The following UHRF1 variants were observed in gnomAD, a reference collection of about 807,000 sequenced individuals.
The protein encoded by UHRF1 is ubiquitin like with PHD and ring finger domains 1.
In UHRF1, 9 loss-of-function variants were observed where a neutral mutation model predicts 96.5. That is an observed-to-expected ratio of 0.09 (90% CI 0.06 to 0.16). The LOEUF (loss-of-function observed/expected upper bound fraction) is 0.16, where lower values mean the gene tolerates loss of function less well. UHRF1 is among the 10% of genes least tolerant of loss of function. UHRF1 has a pLI of 1.00. For missense variants in UHRF1, 626 were observed against 1,131.1 expected (o/e 0.55, Z 6.40); for synonymous variants, 455 against 469.9 (o/e 0.97, Z 0.41).
chr19:4,938,992 C>T (rs1195383102), intron 5 of UHRF1, among the ~76,000 whole-genome samples: 1 of 151,704 alleles, frequency 6.6e-6, no homozygotes, highest in Non-Finnish European at 1.5e-5. Context: ...TGGTTCCCTG[C>T]AACCTCCACC....
In UHRF1 at chr19:4,910,922, A is replaced by G. The variant is rs1223050429; in HGVS notation, c.37A>G (p.Thr13Ala). The G allele has an allele frequency of 6.2e-7, 1 of 1,613,478 alleles. No homozygotes were observed. Among genetic ancestry groups the G allele is most frequent in the Non-Finnish European group, 8.5e-7 (1 of 1,179,586 alleles). Residue 13 changes from threonine (T) to alanine (A), a missense_variant, in exon 2 of 17, where the codon ACC (threonine) becomes GCC (alanine). Physicochemically the swap from Thr to Ala is moderately conservative, Grantham distance 58. Coordinates refer to ENST00000650932, the MANE Select transcript of UHRF1 (RefSeq NM_001048201.3). ...GGTTCGGACCATGGACGGGAGGCAG[A>G]CCCACACGGTGGACTCGCTGTCCAG... ...IQVRTMDGRQ[T>A]HTVDSLSRLT... is the part of the protein sequence containing the mutation.
intron 13 of UHRF1, among the ~76,000 whole-genome samples, chr19:4,951,425 C>A (rs2033714562): frequency 6.6e-6 from 1 of 152,074 alleles, no homozygotes; most frequent in Non-Finnish European, 1.5e-5. Context: ...GCTGAACACT[C>A]CAGGAGGCCT....
intron 2 of UHRF1, among the ~76,000 whole-genome samples, chr19:4,921,475 C>T (rs2032702003): frequency 1.3e-5 from 2 of 151,746 alleles, no homozygotes; most frequent in South Asian, 4.2e-4. Context: ...GGTCAGGATG[C>T]TGGGCACAGT....
chr19:4,928,733 G>A (rs1416268028), intron 2 of UHRF1, among the ~76,000 whole-genome samples: 3 of 152,128 alleles, frequency 2.0e-5, no homozygotes, highest in South Asian at 2.1e-4. Context: ...GCAGGGTGCC[G>A]AGCAGCGTTC....
intron 11 of UHRF1, 130 bp downstream of exon 11, chr19:4,947,341 T>C: frequency 3.6e-6 from 3 of 827,196 alleles, no homozygotes; most frequent in Non-Finnish European, 1.9e-6. Context: ...AGCCTGGCAT[T>C]TGGTTCCTCC....
At position 4,909,591 on chromosome 19, in the gene UHRF1, T is replaced by C. The variant is rs1568403376; in HGVS notation, c.-75T>C. 1.5e-6 allele frequency: 1 copy of C among 649,152 alleles called. No homozygotes were observed. The highest frequency in any genetic ancestry group is 3.3e-5 in the East Asian group (1 of 30,446). 40.2% of individuals were successfully genotyped at this position (649,152 alleles called of 1,614,324 possible). A position where few individuals can be genotyped will look rare whatever the true frequency, so the allele number is the denominator to read the frequency against. ...CGCGGGGTCCGGGCCACGCACGCGG[T>C]TTCATCGCCATCCCCAGCCGGGCCA... On this transcript the variant is annotated 5_prime_UTR_variant, in exon 1 of 17. Coordinates refer to ENST00000650932, the MANE Select transcript of UHRF1 (RefSeq NM_001048201.3).
At chr19:4,951,444 G>A (rs568052965) in intron 13 of UHRF1, among the ~76,000 whole-genome samples, 21 of 152,014 alleles carry the variant, frequency 1.4e-4, no homozygotes, top group Non-Finnish European at 2.5e-4. Flanking sequence ...CTCCCGTCTC[G>A]GGCCCATGCT....
chr19:4,949,066 C>T (rs1410590600), intron 11 of UHRF1, among the ~76,000 whole-genome samples: 2 of 148,060 alleles, frequency 1.4e-5, no homozygotes, highest in Admixed American at 6.8e-5. Context: ...ACCTGGGAGG[C>T]GGAGCTTGCA....
chr19:4,925,392 C>T (rs1442986164), intron 2 of UHRF1, among the ~76,000 whole-genome samples: 1 of 152,198 alleles, frequency 6.6e-6, no homozygotes, highest in South Asian at 2.1e-4. Flanking sequence ...GGATCATGCA[C>T]TGCGTGGCCT....
At chr19:4,940,252 G>A (rs16992691) in intron 5 of UHRF1, among the ~76,000 whole-genome samples, 2,610 of 151,310 alleles carry the variant, frequency 0.017, 81 homozygotes, top group African/African-American at 0.06. Context: ...TGTTTCCCTC[G>A]GACGTTGCTG....
Position 4,913,566 on chromosome 19 carries a change from G to A in UHRF1, c.153+2528G>A, listed in dbSNP as rs550326903. On this transcript the variant is annotated intron_variant, in intron 2 of 16. Coordinates refer to ENST00000650932, the MANE Select transcript of UHRF1 (RefSeq NM_001048201.3). ...CACTGCACCCAGCCACGTACATTGT[G>A]CTTTTAATTGTCAGGATGTCCGCAG... Among the ~76,000 whole-genome samples the A allele has an allele frequency of 1.4e-4, 22 of 152,104 alleles. No homozygotes were observed. In the South Asian group the frequency reaches 4.6e-3, roughly 32 times the overall value.
intron 1 of UHRF1, 127 bp from the exon 2 acceptor site, chr19:4,910,749 G>T: frequency 8.3e-7 from 1 of 1,198,080 alleles, no homozygotes; most frequent in East Asian, 2.5e-5. Context: ...CAGGAGGACT[G>T]GAAGGGCATC....
rs376092833 is a variant in UHRF1 at position 4,938,473 on chromosome 19, G to C, written c.786-3055G>C. 1.7e-4 allele frequency among the ~76,000 whole-genome samples: 25 copies of C among 150,360 alleles called. 1 individual carries two copies. The highest frequency in any genetic ancestry group is 5.8e-4 in the African/African-American group (23 of 39,932). ...ACCAATTTTATTTTTGAGGATCTTA[G>C]ACCTTTCCCTCCCTTCTCATTTATT... On this transcript the variant is annotated intron_variant, in intron 5 of 16. Transcript: ENST00000650932.
chr19:4,950,569 C>T (rs779306704), intron 11 of UHRF1, 42 bp from the exon 12 acceptor site: 2 of 1,583,836 alleles, frequency 1.3e-6, no homozygotes, highest in Non-Finnish European at 1.7e-6. Context: ...TTGGGGGGTA[C>T]ATCCTCACCT....
chr19:4,948,657 C>G (rs534701170), intron 11 of UHRF1, among the ~76,000 whole-genome samples: 28 of 151,968 alleles, frequency 1.8e-4, no homozygotes, highest in Admixed American at 5.9e-4. Context: ...CAAAAATTAG[C>G]TGGGTGTGGT....
At chr19:4,947,859 A>C (rs971799247) in intron 11 of UHRF1, among the ~76,000 whole-genome samples, 2 of 152,012 alleles carry the variant, frequency 1.3e-5, no homozygotes, top group African/African-American at 2.4e-5. Flanking sequence ...GCGCTTCAGG[A>C]GGCCGAGGCT....
intron 13 of UHRF1, among the ~76,000 whole-genome samples, chr19:4,951,798 TCA>T (rs1305012862): frequency 4.0e-5 from 6 of 151,590 alleles, no homozygotes; most frequent in African/African-American, 1.5e-4. Flanking sequence ...GAGCCATCTC[TCA>T]CCTCCCTGTG....
In UHRF1 at chr19:4,909,625, G is replaced by T; in HGVS notation, c.-41G>T. On this transcript the variant is annotated 5_prime_UTR_variant, in exon 1 of 17. The change creates a new upstream start codon in the 5' untranslated region. Transcript: ENST00000650932. ...CATCCCCAGCCGGGCCACGCGCGCA[G>T]GCAGACAAGCTGTTCGCGGCGACCG... The T allele has an allele frequency of 1.6e-6, 1 of 612,526 alleles. No homozygotes were observed. The highest frequency in any genetic ancestry group is 1.8e-5 in the South Asian group (1 of 55,912). 37.9% of individuals were successfully genotyped at this position (612,526 alleles called of 1,614,324 possible).
Position 4,932,946 on chromosome 19 carries a change from G to A in UHRF1, c.775G>A (p.Val259Met), listed in dbSNP as rs956115923. 7 of 1,611,526 alleles carry A rather than the reference G, an allele frequency of 4.3e-6. No homozygotes were observed. Among genetic ancestry groups the A allele is most frequent in the Admixed American group, 1.7e-5 (1 of 59,596 alleles). ...GACGGCGCGGGAACTCTACGCCAACGTGGTGCTGGGGTGAGCCTCGCGTCC... is the reference window on the plus strand; with the variant it reads ...GACGGCGCGGGAACTCTACGCCAACATGGTGCTGGGGTGAGCCTCGCGTCC... ...TRTARELYAN[V>M]VLGDDSLNDC... The change falls in exon 5 of 17, where the codon GTG becomes ATG. Residue 259 changes from valine (V) to methionine (M), a missense_variant. Val to Met is a conservative substitution (Grantham distance 21). Transcript: ENST00000650932.
Sources: allele counts gnomAD v4.1 joint callset (sites outside exome capture counted in the v4.1 genomes callset), GRCh38; gene constraint gnomAD v4.1.1; transcripts MANE v1.5; gene names NCBI Gene and HGNC (gene_info 2026-07-23, HGNC 2026-07-21).